Variants in LRP10 observed in about 807,000 individuals in gnomAD.
LRP10 encodes low-density lipoprotein receptor-related protein 10.
In LRP10, 42 loss-of-function variants were observed where a neutral mutation model predicts 58.5. The observed-to-expected ratio is 0.72, with a 90% CI of 0.56 to 0.93. The LOEUF (loss-of-function observed/expected upper bound fraction) is 0.93. Among genes scored for constraint, LRP10 ranks in the 40% least tolerant of loss-of-function variants. LRP10 has a pLI of 0.00. For synonymous variants in LRP10, 377 were observed against 388.5 expected (o/e 0.97, Z 0.35); for missense variants, 872 against 940.1 (o/e 0.93, Z 0.95).
In LRP10 at chr14:22,877,407, C is replaced by G. The variant is rs756152925; in HGVS notation, c.2022C>G (p.Ser674Arg). The part of the protein sequence containing the change: ...PSLGPPGPTR[S>R]PPGPHTAVLA... ...TGGGGCCCCCAGGACCAACCCGGAG[C>G]CCCCCTGGACCCCACACAGCAGTCC... The change falls in exon 7 of 7, where the codon AGC (serine) becomes AGG (arginine). Residue 674 changes from serine to arginine, a missense_variant. Physicochemically the swap from Ser to Arg is moderately radical, Grantham distance 110. Transcript: ENST00000359591. This position sits in a 1 kb window ranked among gnomAD's most constrained non-coding sequence, Gnocchi z 5.1. The G allele has an allele frequency of 2.5e-6, 4 of 1,613,640 alleles. No individual in the cohort carries two copies. The highest frequency in any genetic ancestry group is 3.4e-6 in the Non-Finnish European group (4 of 1,179,818).
intron 1 of LRP10, 70 bp downstream of exon 1, chr14:22,872,407 C>A: frequency 2.6e-6 from 4 of 1,568,414 alleles, no homozygotes; most frequent in Non-Finnish European, 3.5e-6. Flanking sequence ...CCCTCCAGTG[C>A]GGCCCCGCAC....
Position 22,877,457 on chromosome 14 carries a change from T to C in LRP10, c.2072T>C (p.Val691Ala), listed in dbSNP as rs1157473214. ...AVLALEDEDD[V>A]LLVPLAEPGV... ...CTGGCCCTGGAAGATGAGGACGATG[T>C]GCTACTGGTGCCACTGGCTGAGCCG... is the stretch of plus-strand genomic sequence containing the variant. Residue 691 changes from valine to alanine, a missense_variant, in exon 7 of 7, where the codon GTG becomes GCG. Val to Ala is a moderately conservative substitution (Grantham distance 64). Coordinates refer to ENST00000359591, the MANE Select transcript of LRP10 (RefSeq NM_014045.5). This position sits in a 1 kb window ranked among gnomAD's most constrained non-coding sequence, Gnocchi z 5.1. 1 of 1,613,276 alleles carries C rather than the reference T, an allele frequency of 6.2e-7. No homozygotes were observed. Among genetic ancestry groups the C allele is most frequent in the East Asian group, 2.2e-5 (1 of 44,878 alleles).
In LRP10 at chr14:22,875,354, G is replaced by C; in HGVS notation, c.407-1G>C. ...AGCCCCTCTCCATGGTGCCTCTGCA[G>C]ATTGGCTGATGTGCCTGCAGGAAGA... is the stretch of plus-strand genomic sequence containing the variant. On this transcript the variant is annotated splice_acceptor_variant, in intron 4 of 6. Coordinates refer to ENST00000359591, the MANE Select transcript of LRP10 (RefSeq NM_014045.5). LOFTEE classifies it high-confidence loss of function. The C allele has an allele frequency of 6.2e-7, 1 of 1,610,212 alleles. No individual in the cohort carries two copies. The highest frequency in any genetic ancestry group is 1.1e-5 in the South Asian group (1 of 90,880).
chr14:22,876,551 C>T (rs2040008324), intron 5 of LRP10, 138 bp from the exon 6 acceptor site: 1 of 1,360,822 alleles, frequency 7.3e-7, no homozygotes, highest in Non-Finnish European at 1.0e-6. Flanking sequence ...GAGGAGGGAC[C>T]TCAGATGACC....
Position 22,876,271 on chromosome 14 carries a change from C to G in LRP10, c.1323C>G (p.Val441=). Reference sequence around the variant, plus strand: ...GCTCCTATGTTCTGCCCCGCAAGGTCATTACAGCTGCAGTCATTGGCAGCC... The same window carrying G: ...GCTCCTATGTTCTGCCCCGCAAGGTGATTACAGCTGCAGTCATTGGCAGCC... ...WDCSYVLPRK[V]ITAAVIGSLV... is the part of the protein sequence containing the mutation. The change falls in exon 5 of 7, where the codon GTC becomes GTG. Residue 441 remains valine, a synonymous_variant. Coordinates refer to ENST00000359591, the MANE Select transcript of LRP10 (RefSeq NM_014045.5). The G allele has an allele frequency of 6.2e-7, 1 of 1,614,192 alleles. No homozygotes were observed. Among genetic ancestry groups the G allele is most frequent in the Non-Finnish European group, 8.5e-7 (1 of 1,180,034 alleles).
chr14:22,874,294 G>A (rs952736311), intron 3 of LRP10, among the ~76,000 whole-genome samples: 2 of 152,206 alleles, frequency 1.3e-5, no homozygotes, highest in Non-Finnish European at 2.9e-5. Flanking sequence ...GAGGCTGGTG[G>A]GGCAAAGGGA....
Position 22,876,185 on chromosome 14 carries a change from T to C in LRP10, c.1237T>C (p.Tyr413His), listed in dbSNP as rs2040003976. 6.2e-7 allele frequency: 1 copy of C among 1,614,082 alleles called. No homozygotes were observed. The highest frequency in any genetic ancestry group is 8.5e-7 in the Non-Finnish European group (1 of 1,180,044). The change falls in exon 5 of 7, where the codon TAT (tyrosine) becomes CAT (histidine). Residue 413 changes from tyrosine to histidine, a missense_variant. By Grantham distance (83) the Tyr-to-His change is moderately conservative (BLOSUM62 2). Coordinates refer to ENST00000359591, the MANE Select transcript of LRP10 (RefSeq NM_014045.5). ...NFRCRDEKCV[Y>H]ETWVCDGQPD... is the part of the protein sequence containing the mutation. ...CCGATGCCGGGACGAGAAGTGCGTG[T>C]ATGAGACGTGGGTGTGCGATGGGCA...
intron 5 of LRP10, 40 bp from the exon 6 acceptor site, chr14:22,876,649 C>T (rs749294349): frequency 1.1e-5 from 17 of 1,602,452 alleles, no homozygotes; most frequent in South Asian, 7.8e-5. Context: ...CTACTCTGGC[C>T]GAGAACTACC....
rs1281866706 is a variant in LRP10, at chr14:22,876,273, T to G, written c.1325T>G (p.Ile442Ser). ...TCCTATGTTCTGCCCCGCAAGGTCA[T>G]TACAGCTGCAGTCATTGGCAGCCTA... ...DCSYVLPRKV[I>S]TAAVIGSLVC... The change falls in exon 5 of 7, where the codon ATT becomes AGT. Residue 442 changes from isoleucine (I) to serine (S), a missense_variant. By Grantham distance (142) the Ile-to-Ser change is moderately radical. Coordinates refer to ENST00000359591, the MANE Select transcript of LRP10 (RefSeq NM_014045.5). 3 of 1,614,156 alleles carry G rather than the reference T, an allele frequency of 1.9e-6. No individual in the cohort carries two copies.
At position 22,876,743 on chromosome 14, in the gene LRP10, C is replaced by A; in HGVS notation, c.1479C>A (p.Pro493=). The A allele has an allele frequency of 6.2e-7, 1 of 1,614,058 alleles. No individual in the cohort carries two copies. Among genetic ancestry groups the A allele is most frequent in the Non-Finnish European group, 8.5e-7 (1 of 1,179,934 alleles). ...CTGAGATTGTGCAGCAGCAGGCACCCCCTTCCTACGGGCAGCTCATTGCCC... is the reference window on the plus strand; with the variant it reads ...CTGAGATTGTGCAGCAGCAGGCACCACCTTCCTACGGGCAGCTCATTGCCC... The part of the protein sequence containing the change: ...MEAEIVQQQA[P]PSYGQLIAQG... Residue 493 remains proline (P), a synonymous_variant, in exon 6 of 7, where the codon CCC becomes CCA. Coordinates refer to ENST00000359591, the MANE Select transcript of LRP10 (RefSeq NM_014045.5).
chr14:22,872,025 C>G lies in LRP10; in HGVS notation c.-279C>G, dbSNP rs540827811. On this transcript the variant is annotated 5_prime_UTR_variant, in exon 1 of 7. Coordinates refer to ENST00000359591, the MANE Select transcript of LRP10 (RefSeq NM_014045.5). ...TGTAGGCGAGGGCGCGCCCCAGTGC[C>G]GAGACCCGGGGCTTCAGGAGCCGGC... 61 of 564,424 alleles carry G rather than the reference C, an allele frequency of 1.1e-4. 2 individuals are homozygous for G. The South Asian group carries it at 1.2e-3, about 11-fold the overall frequency. The allele number at this position is 564,424 out of a possible 1,614,324, so 35.0% of individuals were successfully genotyped here.
chr14:22,872,412 C>G, intron 1 of LRP10, 75 bp downstream of exon 1: 2 of 1,566,076 alleles, frequency 1.3e-6, no homozygotes, highest in East Asian at 2.2e-5. Context: ...CAGTGCGGCC[C>G]CGCACTCTAT....
Position 22,877,113 on chromosome 14 carries a change from T to A in LRP10, c.1728T>A (p.Ser576=). 1.2e-6 allele frequency: 2 copies of A among 1,613,260 alleles called. No homozygotes were observed. Among genetic ancestry groups the A allele is most frequent in the African/African-American group, 2.7e-5 (2 of 75,044 alleles). Residue 576 remains serine (S), a synonymous_variant, in exon 7 of 7, where the codon TCT becomes TCA. Transcript: ENST00000359591. This position sits in a 1 kb window ranked among gnomAD's most constrained non-coding sequence, Gnocchi z 5.1. The stretch of plus-strand genomic sequence containing the variant: ...GAACCAACACCCCGGCTCGGGCCTC[T>A]GAGGCCAGATCCCAGGTCACACCTT... ...LPRTNTPARA[S]EARSQVTPSA... is the part of the protein sequence containing the mutation.
In LRP10 at chr14:22,871,778, T is replaced by G; in HGVS notation, c.-526T>G. On this transcript the variant is annotated 5_prime_UTR_variant, in exon 1 of 7. Coordinates refer to ENST00000359591, the MANE Select transcript of LRP10 (RefSeq NM_014045.5). Reference sequence around the variant, plus strand: ...ACTCCAACCCCTGGGCGGGCGGGGGTACCGCCTGGGCAAGGGCCGGGGCGC... The same window carrying G: ...ACTCCAACCCCTGGGCGGGCGGGGGGACCGCCTGGGCAAGGGCCGGGGCGC... 5 of 170,102 alleles carry G rather than the reference T, an allele frequency of 2.9e-5. No individual in the cohort carries two copies. Among genetic ancestry groups the G allele is most frequent in the South Asian group, 1.1e-4 (1 of 9,438 alleles). The allele number at this position is 170,102 out of a possible 1,614,324, so 10.5% of individuals were successfully genotyped here.
At chr14:22,873,145 G>A (rs2039972503) in intron 2 of LRP10, 166 bp from the exon 3 acceptor site, 2 of 764,280 alleles carry the variant, frequency 2.6e-6, no homozygotes, top group Non-Finnish European at 4.3e-6. Flanking sequence ...GAGAGAAAGA[G>A]CGAAGCTAGA....
In LRP10 at chr14:22,878,330, A is replaced by G. The variant is rs1285845184; in HGVS notation, c.*803A>G. 5.3e-5 allele frequency: 8 copies of G among 151,916 alleles called. No individual in the cohort carries two copies. 9.4% of individuals were successfully genotyped at this position (151,916 alleles called of 1,614,324 possible). A position where few individuals can be genotyped will look rare whatever the true frequency, so the allele number is the denominator to read the frequency against. On this transcript the variant is annotated 3_prime_UTR_variant, in exon 7 of 7. Transcript: ENST00000359591. ...CTGGGGCCCAGCTCTGCAATGACTG[A>G]CTCCAGGGCCTCTTTCCTCACTGCC...
Position 22,876,182 on chromosome 14 carries a change from G to A in LRP10, c.1234G>A (p.Val412Met), listed in dbSNP as rs772642452. The A allele has an allele frequency of 3.3e-5, 54 of 1,614,128 alleles. No homozygotes were observed. Among genetic ancestry groups the A allele is most frequent in the East Asian group, 8.9e-5 (4 of 44,902 alleles). ...GNFRCRDEKC[V>M]YETWVCDGQP... The stretch of plus-strand genomic sequence containing the variant: ...TTTCCGATGCCGGGACGAGAAGTGC[G>A]TGTATGAGACGTGGGTGTGCGATGG... Residue 412 changes from valine to methionine, a missense_variant, in exon 5 of 7, where the codon GTG becomes ATG. Val to Met is a conservative substitution (Grantham distance 21). Coordinates refer to ENST00000359591, the MANE Select transcript of LRP10 (RefSeq NM_014045.5).
Position 22,875,806 on chromosome 14 carries a change from C to G in LRP10, c.858C>G (p.Ser286=). The change falls in exon 5 of 7, where the codon TCC becomes TCG. Residue 286 remains serine (S), a synonymous_variant. Coordinates refer to ENST00000359591, the MANE Select transcript of LRP10 (RefSeq NM_014045.5). ...CACTGTCTGGCCAGGCTGTTGTGTC[C>G]TACCACACAGTTGCTTGGAGCAATG... ...VETLSGQAVV[S]YHTVAWSNGR... 6.2e-7 allele frequency: 1 copy of G among 1,614,192 alleles called. No individual in the cohort carries two copies.
intron 2 of LRP10, 125 bp from the exon 3 acceptor site, chr14:22,873,186 G>A: frequency 2.6e-6 from 3 of 1,159,170 alleles, no homozygotes; most frequent in Non-Finnish European, 3.7e-6. Context: ...GTGTGGGCAG[G>A]GGCAGATACT....
Sources: gnomAD v4.1 joint callset for allele counts (sites outside exome capture counted in the v4.1 genomes callset) on GRCh38, gnomAD v4.1.1 for gene constraint, Gnocchi (gnomAD v3.1) non-coding constraint, MANE v1.5 for transcripts, NCBI Gene and HGNC (gene_info 2026-07-23, HGNC 2026-07-21) for gene names.